AGBL4: variants seen among roughly 807,000 people sequenced by gnomAD.
The protein encoded by AGBL4 is cytosolic carboxypeptidase 6.
In AGBL4, 58 loss-of-function variants were observed where a neutral mutation model predicts 66.4. The ratio of observed to expected loss-of-function variants is 0.87; its 90% CI spans 0.71 to 1.09. AGBL4 has a LOEUF of 1.09. AGBL4 is among the 50% of genes least tolerant of loss of function. The pLI is 0.00. For synonymous variants in AGBL4, 234 were observed against 222.9 expected, an observed-to-expected ratio of 1.05 and a Z score of -0.44; for missense variants, 579 against 631.0, an observed-to-expected ratio of 0.92 and a Z score of 0.88.
chr1:48,813,865 C>G (rs1646114479), intron 6 of AGBL4, among the ~76,000 whole-genome samples: 1 of 150,250 alleles, frequency 6.7e-6, no homozygotes, highest in Non-Finnish European at 1.5e-5. Context: ...CAAATCAAGG[C>G]TCAGGAGAGG....
intron 2 of AGBL4, among the ~76,000 whole-genome samples, chr1:49,752,117 C>T (rs1048774155): frequency 6.6e-6 from 1 of 152,020 alleles, no homozygotes; most frequent in African/African-American, 2.4e-5. Flanking sequence ...CTTATGCTAG[C>T]TTTTGAATTT....
At chr1:49,769,536 A>G (rs1341090169) in intron 2 of AGBL4, among the ~76,000 whole-genome samples, 1 of 152,192 alleles carries the variant, frequency 6.6e-6, no homozygotes, top group Non-Finnish European at 1.5e-5. Flanking sequence ...AGAAAGAGCC[A>G]GGGCAGAACA....
At chr1:49,297,753 C>T (rs1484332038) in intron 3 of AGBL4, among the ~76,000 whole-genome samples, 1 of 152,142 alleles carries the variant, frequency 6.6e-6, no homozygotes, top group Admixed American at 6.6e-5. Flanking sequence ...GTTTCCTAAT[C>T]TGGCATCCAA....
chr1:49,988,928 T>C (rs1659716267), intron 1 of AGBL4, among the ~76,000 whole-genome samples: 2 of 152,120 alleles, frequency 1.3e-5, no homozygotes, highest in South Asian at 4.1e-4. Context: ...CCCATTCGAG[T>C]AACTTTTTGA....
intron 3 of AGBL4, among the ~76,000 whole-genome samples, chr1:49,435,970 T>C (rs1017118055): frequency 5.9e-5 from 9 of 152,182 alleles, no homozygotes; most frequent in Admixed American, 2.0e-4. Context: ...ATGGACTAAA[T>C]ATGTCAAAGG....
At chr1:48,940,180 C>T (rs1016912837) in intron 5 of AGBL4, among the ~76,000 whole-genome samples, 11 of 152,156 alleles carry the variant, frequency 7.2e-5, no homozygotes, top group African/African-American at 2.2e-4. Context: ...GAGTTCGAAA[C>T]CAGCCTGGCC....
chr1:49,654,694 T>G (rs1646083703), intron 3 of AGBL4, among the ~76,000 whole-genome samples: 1 of 152,230 alleles, frequency 6.6e-6, no homozygotes, highest in African/African-American at 2.4e-5. Flanking sequence ...TCTTTGTCTC[T>G]CTTGATCTTT....
At chr1:49,996,675 T>G (rs1660391061) in intron 1 of AGBL4, among the ~76,000 whole-genome samples, 1 of 152,258 alleles carries the variant, frequency 6.6e-6, no homozygotes, top group Non-Finnish European at 1.5e-5. Flanking sequence ...TTAGCCTTGA[T>G]AAAAATCTAG....
intron 1 of AGBL4, among the ~76,000 whole-genome samples, chr1:49,907,100 G>T (rs1650352817): frequency 6.6e-6 from 1 of 152,054 alleles, no homozygotes. Flanking sequence ...AATCACAAAT[G>T]ATGTGATAAA....
chr1:49,124,081 C>T (rs991333823), intron 4 of AGBL4, among the ~76,000 whole-genome samples: 1 of 152,074 alleles, frequency 6.6e-6, no homozygotes, highest in African/African-American at 2.4e-5. Context: ...CAGCTGGAGG[C>T]CTTGGAGGTG....
At chr1:49,948,054 A>ATATATT (rs1451952920) in intron 1 of AGBL4, among the ~76,000 whole-genome samples, 1 of 3,726 alleles carries the variant, frequency 2.7e-4, no homozygotes, top group Non-Finnish European at 4.6e-4. Context: ...ATATATAAAT[A>ATATATT]TATATATGTA....
At chr1:49,515,843 A>G (rs1346720159) in intron 3 of AGBL4, among the ~76,000 whole-genome samples, 1 of 141,828 alleles carries the variant, frequency 7.1e-6, no homozygotes, top group South Asian at 2.2e-4. Flanking sequence ...AACAATGAGA[A>G]CACATGGACA....
intron 3 of AGBL4, among the ~76,000 whole-genome samples, chr1:49,351,823 G>T (rs1643914779): frequency 6.6e-6 from 1 of 152,094 alleles, no homozygotes; most frequent in African/African-American, 2.4e-5. Flanking sequence ...TTCTGCCTGA[G>T]CCTCAGTCTT....
chr1:48,625,710 G>A (rs1448350052), intron 9 of AGBL4, among the ~76,000 whole-genome samples: 1 of 152,166 alleles, frequency 6.6e-6, no homozygotes, highest in African/African-American at 2.4e-5. Context: ...TACAATTGAA[G>A]TAATATGTAT....
At chr1:49,886,194 CTTCTACTTATGT>C (rs1165143439) in intron 1 of AGBL4, among the ~76,000 whole-genome samples, 1 of 152,128 alleles carries the variant, frequency 6.6e-6, no homozygotes, top group Non-Finnish European at 1.5e-5. Context: ...AAACACTAAC[CTTCTACTTATGT>C]GATAGTCATA....
chr1:49,709,764 C>A (rs1647496374), intron 2 of AGBL4, among the ~76,000 whole-genome samples: 1 of 152,070 alleles, frequency 6.6e-6, no homozygotes, highest in African/African-American at 2.4e-5. Context: ...CAAAGAACCC[C>A]ATCAAAAAGT....
chr1:48,684,712 A>G (rs1161995827), intron 6 of AGBL4, among the ~76,000 whole-genome samples: 1 of 151,584 alleles, frequency 6.6e-6, no homozygotes, highest in African/African-American at 2.4e-5. Context: ...CCAAAAATAA[A>G]AACTTTTTTT....
rs185198568 is a variant in AGBL4, at chr1:49,512,547, C to A, written c.282+184766G>T. ...GTTAAGTTTGTGGCATTTCCTGCCA[C>A]CCCCCCTCTTTCCTACTTCACCATG... On this transcript the variant is annotated intron_variant, in intron 3 of 13. Transcript: ENST00000371839. 1.1e-4 allele frequency among the ~76,000 whole-genome samples: 16 copies of A among 151,630 alleles called. 1 individual carries two copies. Among genetic ancestry groups the A allele is most frequent in the Middle Eastern group, 6.8e-3 (2 of 294 alleles).
intron 11 of AGBL4, among the ~76,000 whole-genome samples, chr1:48,554,767 T>C (rs1360324481): frequency 6.6e-6 from 1 of 152,142 alleles, no homozygotes; most frequent in Non-Finnish European, 1.5e-5. Flanking sequence ...GTGTTATAGG[T>C]TAGAAAACTG....
Sources: gnomAD v4.1 joint callset for allele counts (sites outside exome capture counted in the v4.1 genomes callset) on GRCh38, gnomAD v4.1.1 for gene constraint, MANE v1.5 for transcripts, NCBI Gene and HGNC (gene_info 2026-07-23, HGNC 2026-07-21) for gene names.